Variants in PRR16 observed in about 807,000 individuals in gnomAD.
The protein encoded by PRR16 is protein Largen.
PRR16 carries 6 observed loss-of-function variants against 18.2 expected under a neutral mutation model. The observed-to-expected ratio is 0.33, with a 90% CI of 0.18 to 0.65. The LOEUF is 0.65. Among genes scored for constraint, PRR16 ranks in the 30% least tolerant of loss-of-function variants. The probability of loss-of-function intolerance (pLI) is 0.74; values close to 1 mark genes in which losing one functional copy is unlikely to be tolerated. For missense variants in PRR16, 412 were observed against 376.6 expected, an observed-to-expected ratio of 1.09 and a Z score of -0.78; for synonymous variants, 151 against 147.8, an observed-to-expected ratio of 1.02 and a Z score of -0.16.
intron 1 of PRR16, among the ~76,000 whole-genome samples, chr5:120,488,239 G>A (rs1352021572): frequency 6.6e-6 from 1 of 152,136 alleles, no homozygotes; most frequent in Non-Finnish European, 1.5e-5. Context: ...GCTCCTCCTT[G>A]TACCTCTGGT....
chr5:120,662,610 A>T (rs1344475074), intron 1 of PRR16, among the ~76,000 whole-genome samples: 1 of 152,008 alleles, frequency 6.6e-6, no homozygotes, highest in Non-Finnish European at 1.5e-5. Context: ...CCCCTTCCGC[A>T]CACCATATCA....
chr5:120,793,599 T>C, the PRR16 span, among the ~76,000 whole-genome samples: 2 of 152,108 alleles, frequency 1.3e-5, no homozygotes, highest in South Asian at 4.1e-4. Flanking sequence ...ATCTCACCTA[T>C]CTACATCCTA....
At chr5:120,631,400 C>T (rs565613429) in intron 1 of PRR16, among the ~76,000 whole-genome samples, 5 of 152,168 alleles carry the variant, frequency 3.3e-5, no homozygotes, top group South Asian at 2.1e-4. Flanking sequence ...AACTGTGAAT[C>T]GGCTTGCTTT....
intron 1 of PRR16, among the ~76,000 whole-genome samples, chr5:120,529,565 C>A (rs534530223): frequency 6.6e-6 from 1 of 152,218 alleles, no homozygotes; most frequent in Non-Finnish European, 1.5e-5. Flanking sequence ...GAATTAAGTG[C>A]AAAAATTCCT....
chr5:120,561,026 G>A lies in PRR16; in HGVS notation c.159+96381G>A, dbSNP rs147202835. On this transcript the variant is annotated intron_variant, in intron 1 of 1. Transcript: ENST00000407149. ...TGTCTTCTCTCTTCATTCTTGATTA[G>A]TCTGGCTAAAGGTTTGTAAATTTTA... Among the ~76,000 whole-genome samples, 1,078 of 151,946 alleles carry A rather than the reference G, an allele frequency of 7.1e-3. 2 individuals carry two copies. The highest frequency in any genetic ancestry group is 0.012 in the Non-Finnish European group (792 of 67,912).
At chr5:120,583,881 T>C (rs940599478) in intron 1 of PRR16, among the ~76,000 whole-genome samples, 2 of 152,186 alleles carry the variant, frequency 1.3e-5, no homozygotes, top group East Asian at 3.8e-4. Flanking sequence ...TAGGGAGTCA[T>C]AGGAAGTTTT....
intron 1 of PRR16, among the ~76,000 whole-genome samples, chr5:120,662,401 AT>A (rs1756203366): frequency 6.6e-6 from 1 of 151,948 alleles, no homozygotes; most frequent in South Asian, 2.1e-4. Flanking sequence ...CATGCATATT[AT>A]TTATTAGTTT....
the PRR16 span, among the ~76,000 whole-genome samples, chr5:120,695,712 TTAA>T: frequency 6.6e-6 from 1 of 152,140 alleles, no homozygotes; most frequent in Non-Finnish European, 1.5e-5. Context: ...AAAGTCTATC[TTAA>T]TAATCTCCCA....
chr5:120,552,947 T>C (rs1016172327), intron 1 of PRR16, among the ~76,000 whole-genome samples: 4 of 151,896 alleles, frequency 2.6e-5, no homozygotes, highest in Non-Finnish European at 5.9e-5. Context: ...TAACCAGTTA[T>C]ATGATCTTCA....
intron 1 of PRR16, among the ~76,000 whole-genome samples, chr5:120,584,567 G>C (rs1753377327): frequency 6.6e-6 from 1 of 152,024 alleles, no homozygotes; most frequent in African/African-American, 2.4e-5. Context: ...TTGATATTCT[G>C]TTCCCCAGGC....
At chr5:120,629,017 A>G (rs775631564) in intron 1 of PRR16, among the ~76,000 whole-genome samples, 1 of 151,972 alleles carries the variant, frequency 6.6e-6, no homozygotes, top group Non-Finnish European at 1.5e-5. Context: ...ACAGGTTTTC[A>G]ATCCTCACCT....
chr5:120,569,935 T>C (rs933854261), intron 1 of PRR16, among the ~76,000 whole-genome samples: 5 of 152,074 alleles, frequency 3.3e-5, no homozygotes, highest in African/African-American at 4.8e-5. Context: ...AAATGGAGAT[T>C]GTTAGATCAT....
the PRR16 span, among the ~76,000 whole-genome samples, chr5:120,703,755 T>G: frequency 6.6e-6 from 1 of 152,262 alleles, no homozygotes; most frequent in African/African-American, 2.4e-5. Flanking sequence ...GTTTTCTTAT[T>G]GATGGTTAAA....
At chr5:120,539,125 C>G (rs1428213015) in intron 1 of PRR16, among the ~76,000 whole-genome samples, 1 of 152,002 alleles carries the variant, frequency 6.6e-6, no homozygotes, top group Non-Finnish European at 1.5e-5. Flanking sequence ...GACGCCATTT[C>G]TACACCATAA....
At chr5:120,560,550 G>C (rs2112716307) in intron 1 of PRR16, among the ~76,000 whole-genome samples, 1 of 152,094 alleles carries the variant, frequency 6.6e-6, no homozygotes, top group South Asian at 2.1e-4. Flanking sequence ...GTATTTTGTT[G>C]AGGATTTTCA....
At chr5:120,586,528 C>G (rs1275043772) in intron 1 of PRR16, among the ~76,000 whole-genome samples, 3 of 151,928 alleles carry the variant, frequency 2.0e-5, no homozygotes, top group Admixed American at 6.6e-5. Flanking sequence ...TTCTCTGTCA[C>G]ATTTTGGTAA....
intron 1 of PRR16, among the ~76,000 whole-genome samples, chr5:120,493,028 A>G (rs1429251247): frequency 2.0e-5 from 3 of 152,178 alleles, no homozygotes; most frequent in African/African-American, 7.2e-5. Context: ...TGTGTGTGCA[A>G]GTGTCTTTTT....
At chr5:120,614,266 C>A (rs1043329520) in intron 1 of PRR16, among the ~76,000 whole-genome samples, 2 of 152,208 alleles carry the variant, frequency 1.3e-5, no homozygotes, top group Non-Finnish European at 2.9e-5. Flanking sequence ...TGTTCTCATA[C>A]TGTGGGCTTT....
rs776362489 is a variant in PRR16 at position 120,686,016 on chromosome 5, C to T, written c.222C>T (p.Ser74=). Residue 74 remains serine (S), a synonymous_variant, in exon 2 of 2, where the codon AGC becomes AGT. Transcript: ENST00000407149. ...AGCTGGAGGATGAGATGACTGACAG[C>T]TCCAAAACGGACACGCTGAATAGTA... ...DLQLEDEMTD[S]SKTDTLNSSS... 17 of 1,614,016 alleles carry T rather than the reference C, an allele frequency of 1.1e-5. No individual in the cohort carries two copies. The African/African-American group carries it at 2.0e-4, about 19-fold the overall frequency.
Sources: gnomAD v4.1 joint callset for allele counts (sites outside exome capture counted in the v4.1 genomes callset) on GRCh38, gnomAD v4.1.1 for gene constraint, MANE v1.5 for transcripts, NCBI Gene and HGNC (gene_info 2026-07-23, HGNC 2026-07-21) for gene names.